ABLIM1: variants seen among roughly 807,000 people sequenced by gnomAD.
ABLIM1 encodes actin-binding LIM protein 1.
In ABLIM1, 40 loss-of-function variants were observed where a neutral mutation model predicts 107.0. The ratio of observed to expected loss-of-function variants is 0.37; its 90% CI spans 0.29 to 0.49. ABLIM1 has a LOEUF of 0.49. ABLIM1 is among the 20% of genes least tolerant of loss of function. The pLI, the probability that ABLIM1 is intolerant of heterozygous loss-of-function variation, is 0.97. For missense variants in ABLIM1, 857 were observed against 1,008.5 expected, an observed-to-expected ratio of 0.85 and a Z score of 2.04; for synonymous variants, 357 against 357.3, an observed-to-expected ratio of 1.00 and a Z score of 0.01.
the ABLIM1 span, among the ~76,000 whole-genome samples, chr10:114,799,431 C>G: frequency 6.6e-6 from 1 of 152,198 alleles, no homozygotes; most frequent in South Asian, 2.1e-4. Flanking sequence ...TTCAGCATCT[C>G]CATCTGGATA....
At chr10:114,477,530 G>A (rs912015518) in intron 8 of ABLIM1, among the ~76,000 whole-genome samples, 1 of 152,198 alleles carries the variant, frequency 6.6e-6, no homozygotes, top group African/African-American at 2.4e-5. Context: ...AGCCTTTGCT[G>A]TAATGATGCA....
chr10:114,468,624 AGCCAACATGTACCT>A (rs1201355372), intron 10 of ABLIM1, among the ~76,000 whole-genome samples: 1 of 152,120 alleles, frequency 6.6e-6, no homozygotes, highest in Non-Finnish European at 1.5e-5. Context: ...TGTAAATATT[AGCCAACATGTACCT>A]GCCAGCATCC....
At chr10:114,782,440 T>A in the ABLIM1 span, among the ~76,000 whole-genome samples, 1 of 151,982 alleles carries the variant, frequency 6.6e-6, no homozygotes, top group Non-Finnish European at 1.5e-5. Context: ...AGACTAGGGG[T>A]GTACATTCAA....
intron 4 of ABLIM1, among the ~76,000 whole-genome samples, chr10:114,562,524 A>G (rs2069896243): frequency 1.3e-5 from 2 of 152,208 alleles, no homozygotes. Flanking sequence ...GTGAGACTCC[A>G]TCTCAAAAAC....
In ABLIM1 at chr10:114,491,004, G is replaced by GTATATA. The variant is rs1397165080; in HGVS notation, c.982+786_982+787insTATATA. Among the ~76,000 whole-genome samples the GTATATA allele has an allele frequency of 1.8e-3, 143 of 79,644 alleles. 1 individual carries two copies. Among genetic ancestry groups the GTATATA allele is most frequent in the African/African-American group, 0.01 (131 of 12,936 alleles). 52.2% of individuals were successfully genotyped at this position (79,644 alleles called of 152,430 possible). A position where few individuals can be genotyped will look rare whatever the true frequency, so the allele number is the denominator to read the frequency against. On this transcript the variant is annotated intron_variant, in intron 7 of 22. Coordinates refer to ENST00000533213, the MANE Select transcript of ABLIM1 (RefSeq NM_002313.7). ...TGTGTGTGTGTGTGTGTGTGTGTGT[G>GTATATA]TGTGTGTGTATATATATATATGGTC...
chr10:114,502,575 C>G (rs1209461124), intron 6 of ABLIM1, among the ~76,000 whole-genome samples: 1 of 152,064 alleles, frequency 6.6e-6, no homozygotes, highest in Non-Finnish European at 1.5e-5. Context: ...TGGCTCACTG[C>G]AACCTCCTCC....
chr10:114,648,162 AG>A (rs1374126251), intron 1 of ABLIM1, among the ~76,000 whole-genome samples: 1 of 152,220 alleles, frequency 6.6e-6, no homozygotes, highest in African/African-American at 2.4e-5. Flanking sequence ...CGTATGACCC[AG>A]GATTTCCACT....
intron 1 of ABLIM1, among the ~76,000 whole-genome samples, chr10:114,694,266 C>A (rs558061119): frequency 1.3e-5 from 2 of 152,150 alleles, no homozygotes; most frequent in African/African-American, 4.8e-5. Context: ...GGTTCTGGCC[C>A]GGGTGCCACT....
chr10:114,741,916 T>C (rs77119044), intron 1 of ABLIM1, among the ~76,000 whole-genome samples: 267 of 152,342 alleles, frequency 1.8e-3, no homozygotes, highest in East Asian at 8.7e-3. Context: ...TATTCACTCA[T>C]TGGAATGTTA....
chr10:114,784,981 A>T, the ABLIM1 span, among the ~76,000 whole-genome samples: 2 of 152,226 alleles, frequency 1.3e-5, no homozygotes, highest in African/African-American at 4.8e-5. Flanking sequence ...TTTCATATTC[A>T]TAAAATGATT....
intron 4 of ABLIM1, among the ~76,000 whole-genome samples, chr10:114,554,942 T>C (rs1293691586): frequency 6.6e-6 from 1 of 152,118 alleles, no homozygotes; most frequent in East Asian, 1.9e-4. Context: ...CTTCAGTTTT[T>C]TCATCTGTAA....
At chr10:114,647,469 C>G (rs2079060710) in intron 1 of ABLIM1, among the ~76,000 whole-genome samples, 2 of 152,202 alleles carry the variant, frequency 1.3e-5, no homozygotes, top group African/African-American at 2.4e-5. Context: ...TGAAACAGAA[C>G]TGGGAATTGT....
chr10:114,691,165 A>C (rs1043276247), intron 1 of ABLIM1, among the ~76,000 whole-genome samples: 1 of 152,220 alleles, frequency 6.6e-6, no homozygotes, highest in Admixed American at 6.5e-5. Flanking sequence ...GCAGAAGAGC[A>C]CAGATTTGAA....
intron 1 of ABLIM1, among the ~76,000 whole-genome samples, chr10:114,651,432 C>A (rs1240082230): frequency 6.6e-6 from 1 of 152,130 alleles, no homozygotes; most frequent in Non-Finnish European, 1.5e-5. Context: ...TAACCTGCAG[C>A]CTGCTGGGCC....
chr10:114,657,423 T>C (rs2079574642), intron 1 of ABLIM1, among the ~76,000 whole-genome samples: 1 of 152,178 alleles, frequency 6.6e-6, no homozygotes, highest in South Asian at 2.1e-4. Flanking sequence ...GAGGGATGAG[T>C]GACACGTTTT....
At position 114,644,280 on chromosome 10, in the gene ABLIM1, C is replaced by CA. The variant is rs1170954656; in HGVS notation, c.244+13676dup. Reference sequence around the variant, plus strand: ...TGGGTGACAGAGTGAGACTCCATCTCAAAAAAAAAAAAAAAAAAAAAAAAA... The same window carrying CA: ...TGGGTGACAGAGTGAGACTCCATCTCAAAAAAAAAAAAAAAAAAAAAAAAAA... On this transcript the variant is annotated intron_variant, in intron 1 of 22. Transcript: ENST00000533213. Among the ~76,000 whole-genome samples, 90 of 18,634 alleles carry CA rather than the reference C, an allele frequency of 4.8e-3. 12 individuals carry two copies. The highest frequency in any genetic ancestry group is 0.071 in the Middle Eastern group (1 of 14). The allele number at this position is 18,634 out of a possible 152,430, so 12.2% of individuals were successfully genotyped here.
intron 1 of ABLIM1, among the ~76,000 whole-genome samples, chr10:114,716,967 T>C (rs1441393562): frequency 6.6e-6 from 1 of 152,120 alleles, no homozygotes; most frequent in Non-Finnish European, 1.5e-5. Context: ...AAGTCAAGTG[T>C]ACATGTGTGC....
In ABLIM1 at chr10:114,611,459, G is replaced by A. The variant is rs1302969297; in HGVS notation, c.245-9498C>T. On this transcript the variant is annotated intron_variant, in intron 1 of 22. Coordinates refer to ENST00000533213, the MANE Select transcript of ABLIM1 (RefSeq NM_002313.7). ...ACACACTAGCCTGGGTGACAGGTGA[G>A]ACTCTGCCTAGAAAAAAAAAAAAAA... is the stretch of plus-strand genomic sequence containing the variant. Among the ~76,000 whole-genome samples the A allele has an allele frequency of 2.9e-4, 40 of 137,238 alleles. No individual in the cohort carries two copies. The Admixed American group carries it at 3.0e-3, about 10-fold the overall frequency. 90.0% of individuals were successfully genotyped at this position (137,238 alleles called of 152,430 possible). A position where few individuals can be genotyped will look rare whatever the true frequency, so the allele number is the denominator to read the frequency against.
intron 13 of ABLIM1, among the ~76,000 whole-genome samples, chr10:114,452,036 T>C (rs1589814511): frequency 6.6e-6 from 1 of 152,172 alleles, no homozygotes; most frequent in East Asian, 1.9e-4. Context: ...AATGCCCAAA[T>C]TGCTATTGTC....
Sources: allele counts gnomAD v4.1 joint callset (sites outside exome capture counted in the v4.1 genomes callset), GRCh38; gene constraint gnomAD v4.1.1; transcripts MANE v1.5; gene names NCBI Gene and HGNC (gene_info 2026-07-23, HGNC 2026-07-21).